Variants in CABLES2 observed in about 807,000 individuals in gnomAD.
CABLES2 encodes the protein Cdk5 and Abl enzyme substrate 2.
In CABLES2, 35 loss-of-function variants were observed where a neutral mutation model predicts 44.8. The ratio of observed to expected loss-of-function variants is 0.78; its 90% CI spans 0.60 to 1.04. The LOEUF (loss-of-function observed/expected upper bound fraction) is 1.04. CABLES2 is among the 50% of genes least tolerant of loss of function. The pLI is 0.00. For synonymous variants in CABLES2, 282 were observed against 281.1 expected (o/e 1.00, Z -0.03); for missense variants, 566 against 615.7 (o/e 0.92, Z 0.85).
At chr20:62,392,610 G>C (rs1987940100) in intron 7 of CABLES2, 115 bp from the exon 8 acceptor site, 4 of 777,338 alleles carry the variant, frequency 5.1e-6, no homozygotes, top group Non-Finnish European at 8.9e-6. Context: ...ATACGGTGTG[G>C]CTTGAGAGGC....
chr20:62,390,275 A>G lies in CABLES2; in HGVS notation c.*696T>C, dbSNP rs943503560. ...AGGGGCGTTAGGATTTCACAGTGAC[A>G]CGATGCTTGAAGAACAGAGAGGTCC... On this transcript the variant is annotated 3_prime_UTR_variant, in exon 10 of 10. Transcript: ENST00000279101. 2.6e-5 allele frequency: 4 copies of G among 152,666 alleles called. No individual in the cohort carries two copies. Among genetic ancestry groups the G allele is most frequent in the African/African-American group, 9.7e-5 (4 of 41,428 alleles). The allele number at this position is 152,666 out of a possible 1,614,324, so 9.5% of individuals were successfully genotyped here.
rs199591849 is a variant in CABLES2 at position 62,396,329 on chromosome 20, G to A, written c.513C>T (p.Asp171=). Residue 171 remains aspartate (D), a synonymous_variant, in exon 3 of 10, where the codon GAC becomes GAT. Coordinates refer to ENST00000279101, the MANE Select transcript of CABLES2 (RefSeq NM_031215.3). This position sits in a 1 kb window ranked among gnomAD's most constrained non-coding sequence, Gnocchi z 5.7. Reference sequence around the variant, plus strand: ...CCGCTTCATACCTGCTGTTCCTGGTGTCGTACTGCCTCATGTTCTTGATGA... The same window carrying A: ...CCGCTTCATACCTGCTGTTCCTGGTATCGTACTGCCTCATGTTCTTGATGA... ...THFIKNMRQY[D]TRNSRIVLIC... is the part of the protein sequence containing the mutation. 6.5e-5 allele frequency: 105 copies of A among 1,613,844 alleles called. No individual in the cohort carries two copies. The African/African-American group carries it at 1.3e-3, about 20-fold the overall frequency.
At chr20:62,402,563 GT>G (rs552517701) in intron 1 of CABLES2, 94 of 152,432 alleles carry the variant, frequency 6.2e-4, no homozygotes, top group African/African-American at 2.2e-3. Flanking sequence ...GGCGTGGGCA[GT>G]GGTGTTGTTC....
rs1285137055 is a variant in CABLES2, at chr20:62,396,455, G to A, written c.435-48C>T. On this transcript the variant is annotated intron_variant, in intron 2 of 9. Transcript: ENST00000279101. This position sits in a 1 kb window ranked among gnomAD's most constrained non-coding sequence, Gnocchi z 5.7. ...CACTCTTTTCCTCCCAGGACCCTCT[G>A]GCCCCGCAGGGGTCAGTGGCAGCCC... 1.2e-6 allele frequency: 2 copies of A among 1,612,578 alleles called. No individual in the cohort carries two copies. Among genetic ancestry groups the A allele is most frequent in the South Asian group, 1.1e-5 (1 of 91,064 alleles).
chr20:62,398,973 GTC>G (rs750076044), intron 1 of CABLES2, among the ~76,000 whole-genome samples: 4 of 152,240 alleles, frequency 2.6e-5, no homozygotes, highest in Non-Finnish European at 5.9e-5. Context: ...TTGAGATGGA[GTC>G]TCTCTCTGTC....
chr20:62,392,382 T>A lies in CABLES2; in HGVS notation c.1091+7A>T. On this transcript the variant is annotated splice_region_variant and intron_variant, in intron 8 of 9. Transcript: ENST00000279101. The stretch of plus-strand genomic sequence containing the variant: ...GACGATGAGATGGTCTGAGAGGGTG[T>A]CCTCACCTCCTGATTTTGCTCAGCG... 6.2e-7 allele frequency: 1 copy of A among 1,604,276 alleles called. No homozygotes were observed. Among genetic ancestry groups the A allele is most frequent in the Non-Finnish European group, 8.5e-7 (1 of 1,171,240 alleles).
rs1987881593 is a variant in CABLES2 at position 62,389,961 on chromosome 20, G to A, written c.*1010C>T. ...AGGCACTGACGCACTGACCCTTTGA[G>A]GTTGTGTGGGGTGTGGTCAGTGCCC... On this transcript the variant is annotated 3_prime_UTR_variant, in exon 10 of 10. Coordinates refer to ENST00000279101, the MANE Select transcript of CABLES2 (RefSeq NM_031215.3). 1 of 152,182 alleles carries A rather than the reference G, an allele frequency of 6.6e-6. No individual in the cohort carries two copies. The highest frequency in any genetic ancestry group is 1.9e-4 in the East Asian group (1 of 5,194). The allele number at this position is 152,182 out of a possible 1,614,324, so 9.4% of individuals were successfully genotyped here.
At chr20:62,406,220 C>A (rs1164410237) in intron 1 of CABLES2, among the ~76,000 whole-genome samples, 2 of 152,022 alleles carry the variant, frequency 1.3e-5, no homozygotes, top group Non-Finnish European at 2.9e-5. Context: ...TGTGCAGGGG[C>A]CTCTGGGAAC....
At chr20:62,394,848 C>T in intron 4 of CABLES2, 89 bp downstream of exon 4, 1 of 1,208,554 alleles carries the variant, frequency 8.3e-7, no homozygotes, top group Non-Finnish European at 1.2e-6. Flanking sequence ...GGGCGCAGTG[C>T]CCGCTGATGC....
In CABLES2 at chr20:62,390,578, G is replaced by T; in HGVS notation, c.*393C>A. 1 of 223,038 alleles carries T rather than the reference G, an allele frequency of 4.5e-6. No individual in the cohort carries two copies. Among genetic ancestry groups the T allele is most frequent in the Non-Finnish European group, 9.1e-6 (1 of 110,088 alleles). 13.8% of individuals were successfully genotyped at this position (223,038 alleles called of 1,614,324 possible). ...AAACCCAGATCTCCACCCTGACGCT[G>T]TGGTGGCTGCGGTGGTTTGCAGAAG... On this transcript the variant is annotated 3_prime_UTR_variant, in exon 10 of 10. Transcript: ENST00000279101.
intron 4 of CABLES2, 121 bp downstream of exon 4, chr20:62,394,816 G>A: frequency 2.4e-6 from 2 of 847,090 alleles, no homozygotes; most frequent in South Asian, 1.8e-5. Context: ...CCTCGCATGA[G>A]CCCGGGGGCA....
chr20:62,404,688 C>A (rs1988248147), intron 1 of CABLES2: 1 of 152,392 alleles, frequency 6.6e-6, no homozygotes, highest in Non-Finnish European at 1.5e-5. Context: ...AGGAGGGACG[C>A]CTCCCCCTCC....
intron 1 of CABLES2, among the ~76,000 whole-genome samples, chr20:62,398,112 G>GTAA (rs1988092079): frequency 7.7e-6 from 1 of 130,264 alleles, no homozygotes; most frequent in African/African-American, 3.0e-5. Context: ...GGTGATGGTG[G>GTAA]TGGTGGTGGT....
intron 4 of CABLES2, 21 bp downstream of exon 4, chr20:62,394,915 GA>G (rs1231550141): frequency 6.2e-7 from 1 of 1,606,714 alleles, no homozygotes; most frequent in African/African-American, 1.3e-5. Context: ...CACCGCATGC[GA>G]GGCAAGCGCT....
At chr20:62,399,448 C>T (rs1569018439) in intron 1 of CABLES2, among the ~76,000 whole-genome samples, 1 of 150,594 alleles carries the variant, frequency 6.6e-6, no homozygotes, top group African/African-American at 2.5e-5. Context: ...GGGGTTTCAC[C>T]CTGTTAGCCA....
intron 1 of CABLES2, chr20:62,405,513 CG>C (rs1229599633): frequency 6.6e-6 from 1 of 152,308 alleles, no homozygotes; most frequent in Non-Finnish European, 1.5e-5. Context: ...AGCCTGGCTA[CG>C]GCCAGGAACA....
chr20:62,401,572 T>C (rs905356717), intron 1 of CABLES2, among the ~76,000 whole-genome samples: 2 of 152,138 alleles, frequency 1.3e-5, no homozygotes, highest in East Asian at 1.9e-4. Context: ...GGATCACGCA[T>C]GTGCAGATGT....
chr20:62,398,490 C>T (rs1162530535), intron 1 of CABLES2, among the ~76,000 whole-genome samples: 2 of 152,166 alleles, frequency 1.3e-5, no homozygotes, highest in Non-Finnish European at 2.9e-5. Flanking sequence ...TATTAAGTGT[C>T]ACCCAATCTG....
chr20:62,397,983 G>GTGGTGA (rs1569017271), intron 1 of CABLES2, among the ~76,000 whole-genome samples: 11 of 68,748 alleles, frequency 1.6e-4, no homozygotes, highest in Admixed American at 5.2e-4. Context: ...AGTGGTGATG[G>GTGGTGA]CGGTGGTGGT....
Sources: allele counts gnomAD v4.1 joint callset (sites outside exome capture counted in the v4.1 genomes callset), GRCh38; gene constraint gnomAD v4.1.1; non-coding constraint Gnocchi (gnomAD v3.1); transcripts MANE v1.5; gene names NCBI Gene and HGNC (gene_info 2026-07-23, HGNC 2026-07-21).